RALGAPA1: variants seen among roughly 807,000 people sequenced by gnomAD.
RALGAPA1 encodes the protein ral GTPase-activating protein subunit alpha-1.
Under a neutral mutation model 269.6 loss-of-function variants are expected in RALGAPA1, and 52 were observed. The ratio of observed to expected loss-of-function variants is 0.19; its 90% CI spans 0.15 to 0.24. The LOEUF is 0.24. Among genes scored for constraint, RALGAPA1 ranks in the 10% least tolerant of loss-of-function variants. The pLI, the probability that RALGAPA1 is intolerant of heterozygous loss-of-function variation, is 1.00. For synonymous variants in RALGAPA1, 817 were observed against 1,008.3 expected, an observed-to-expected ratio of 0.81 and a Z score of 3.60; for missense variants, 1,917 against 3,013.9, an observed-to-expected ratio of 0.64 and a Z score of 8.52.
chr14:35,594,363 C>T (rs547173146), intron 37 of RALGAPA1, among the ~76,000 whole-genome samples: 1 of 152,166 alleles, frequency 6.6e-6, no homozygotes, highest in East Asian at 1.9e-4. Flanking sequence ...TATTTGCAAA[C>T]CGCTTATCTA....
At chr14:35,549,980 G>A (rs1192939744) in intron 39 of RALGAPA1, among the ~76,000 whole-genome samples, 2 of 152,180 alleles carry the variant, frequency 1.3e-5, no homozygotes, top group Non-Finnish European at 2.9e-5. Context: ...GAAAAATACT[G>A]TAGTTCCTTT....
intron 4 of RALGAPA1, among the ~76,000 whole-genome samples, chr14:35,770,495 T>C (rs191776551): frequency 2.8e-4 from 43 of 151,568 alleles, no homozygotes; most frequent in Middle Eastern, 3.4e-3. Context: ...TCACAGATGA[T>C]ATAACCCTAC....
intron 17 of RALGAPA1, among the ~76,000 whole-genome samples, chr14:35,695,418 G>A (rs1339893283): frequency 6.6e-6 from 1 of 152,160 alleles, no homozygotes; most frequent in Non-Finnish European, 1.5e-5. Flanking sequence ...GAAAAGGATA[G>A]GCCTGTGAGA....
chr14:35,671,096 A>G (rs533353552), intron 26 of RALGAPA1, among the ~76,000 whole-genome samples: 2 of 152,106 alleles, frequency 1.3e-5, no homozygotes, highest in African/African-American at 4.8e-5. Context: ...TGTAATGATG[A>G]CTCACCATTG....
chr14:35,757,796 A>T (rs2073319277), intron 6 of RALGAPA1, among the ~76,000 whole-genome samples: 1 of 152,236 alleles, frequency 6.6e-6, no homozygotes, highest in Non-Finnish European at 1.5e-5. Flanking sequence ...AAACATATGT[A>T]GGTCCCTAAA....
intron 16 of RALGAPA1, among the ~76,000 whole-genome samples, chr14:35,717,922 G>A (rs1037365952): frequency 1.3e-5 from 2 of 151,924 alleles, no homozygotes; most frequent in African/African-American, 4.8e-5. Context: ...ATCTCCTAAC[G>A]CTCTCTTCTT....
chr14:35,589,683 T>TTATG (rs1311021501), intron 37 of RALGAPA1, among the ~76,000 whole-genome samples: 14 of 152,070 alleles, frequency 9.2e-5, no homozygotes, highest in African/African-American at 2.2e-4. Flanking sequence ...CTGATTAAAT[T>TTATG]TATGTATGTA....
At chr14:35,611,822 A>C (rs2059954466) in intron 35 of RALGAPA1, among the ~76,000 whole-genome samples, 1 of 152,208 alleles carries the variant, frequency 6.6e-6, no homozygotes, top group Non-Finnish European at 1.5e-5. Flanking sequence ...TAATAGACCC[A>C]AAATGGCCAA....
chr14:35,761,779 A>T (rs1331346706), intron 5 of RALGAPA1, among the ~76,000 whole-genome samples: 1 of 152,190 alleles, frequency 6.6e-6, no homozygotes, highest in Non-Finnish European at 1.5e-5. Flanking sequence ...TAGCTTTGTA[A>T]ATTACCTTAC....
intron 37 of RALGAPA1, among the ~76,000 whole-genome samples, chr14:35,590,922 T>C (rs1566765683): frequency 6.6e-6 from 1 of 152,210 alleles, no homozygotes. Flanking sequence ...AAACTGAGGA[T>C]AGGATTTTCA....
At chr14:35,659,273 T>A in intron 27 of RALGAPA1, 77 bp from the exon 28 acceptor site, 1 of 1,077,962 alleles carries the variant, frequency 9.3e-7, no homozygotes. Flanking sequence ...ATTAAGTGGT[T>A]ATTAAAGCAG....
chr14:35,719,802 C>T (rs967564034), intron 16 of RALGAPA1, among the ~76,000 whole-genome samples: 2 of 140,752 alleles, frequency 1.4e-5, no homozygotes, highest in Admixed American at 6.9e-5. Context: ...CTCCCTCTGT[C>T]GCTCCAGGCT....
chr14:35,727,018 T>G (rs1422376325), intron 13 of RALGAPA1, among the ~76,000 whole-genome samples: 1 of 152,246 alleles, frequency 6.6e-6, no homozygotes, highest in African/African-American at 2.4e-5. Context: ...GTCCCAAATG[T>G]GTTAATAATA....
At chr14:35,692,384 C>T (rs2066551757) in intron 17 of RALGAPA1, among the ~76,000 whole-genome samples, 3 of 151,670 alleles carry the variant, frequency 2.0e-5, no homozygotes, top group Non-Finnish European at 4.4e-5. Flanking sequence ...TTTTTCCATT[C>T]TAAAGAAGCC....
At chr14:35,663,478 CCT>C (rs1309564383) in intron 27 of RALGAPA1, among the ~76,000 whole-genome samples, 7 of 151,288 alleles carry the variant, frequency 4.6e-5, no homozygotes, top group Admixed American at 2.0e-4. Flanking sequence ...AGCTATGTCT[CCT>C]CTCTCTCAAC....
In RALGAPA1 at chr14:35,614,871, G is replaced by A. The variant is rs2060155599; in HGVS notation, c.6930-9162C>T. 2.0e-5 allele frequency among the ~76,000 whole-genome samples: 3 copies of A among 152,048 alleles called. No homozygotes were observed. In the South Asian group the frequency reaches 6.2e-4, roughly 32 times the overall value. ...TTATAAAATTGAGAAGAGCTGGATA[G>A]AAATCTTCATCTAATACTATATAAA... On this transcript the variant is annotated intron_variant, in intron 35 of 41. Coordinates refer to ENST00000680220, the MANE Select transcript of RALGAPA1 (RefSeq NM_001346249.2).
At chr14:35,552,170 C>T (rs573877343) in intron 39 of RALGAPA1, among the ~76,000 whole-genome samples, 4 of 152,086 alleles carry the variant, frequency 2.6e-5, no homozygotes, top group African/African-American at 4.8e-5. Flanking sequence ...TACATCCCCC[C>T]CCGGCCCCCG....
intron 12 of RALGAPA1, among the ~76,000 whole-genome samples, chr14:35,738,102 A>G (rs2071201706): frequency 6.6e-6 from 1 of 152,054 alleles, no homozygotes; most frequent in Admixed American, 6.6e-5. Context: ...AAAAAAAAAA[A>G]AGTTCACTGT....
At chr14:35,780,390 C>A (rs566280269) in intron 1 of RALGAPA1, among the ~76,000 whole-genome samples, 1 of 152,262 alleles carries the variant, frequency 6.6e-6, no homozygotes, top group South Asian at 2.1e-4. Flanking sequence ...AGACATCTAT[C>A]GAATGCCCAT....
Sources: allele counts gnomAD v4.1 joint callset (sites outside exome capture counted in the v4.1 genomes callset), GRCh38; gene constraint gnomAD v4.1.1; transcripts MANE v1.5; gene names NCBI Gene and HGNC (gene_info 2026-07-23, HGNC 2026-07-21).